EHD2: variants seen among roughly 807,000 people sequenced by gnomAD.
The protein encoded by EHD2 is EH domain containing 2.
A neutral mutation model predicts 41.0 loss-of-function variants in EHD2; 27 were observed. The observed-to-expected ratio is 0.66, with a 90% CI of 0.49 to 0.91. The LOEUF is 0.91. EHD2 is among the 40% of genes least tolerant of loss of function. EHD2 has a pLI of 0.00. For synonymous variants in EHD2, 342 were observed against 341.0 expected (o/e 1.00, Z -0.03); for missense variants, 673 against 773.9 (o/e 0.87, Z 1.55).
intron 5 of EHD2, among the ~76,000 whole-genome samples, chr19:47,736,800 G>A (rs1966927730): frequency 6.6e-6 from 1 of 152,176 alleles, no homozygotes; most frequent in African/African-American, 2.4e-5. Context: ...GGACTGGTTT[G>A]GTGCTTTACA....
At chr19:47,714,571 C>T (rs1445139509) in intron 1 of EHD2, among the ~76,000 whole-genome samples, 1 of 152,078 alleles carries the variant, frequency 6.6e-6, no homozygotes, top group Non-Finnish European at 1.5e-5. Flanking sequence ...GTGCTCATTG[C>T]TCCTGGGTTG....
Position 47,740,970 on chromosome 19 carries a change from C to T in EHD2, c.1170C>T (p.Ile390=), listed in dbSNP as rs771996532. The change falls in exon 6 of 6, where the codon ATC becomes ATT. Residue 390 remains isoleucine (I), a synonymous_variant. Transcript: ENST00000263277. ...TGGACGAGATGCTGACGCACGACATCGCCAAGCTCATGCCCCTGCTGCGGC... is the reference window on the plus strand; with the variant it reads ...TGGACGAGATGCTGACGCACGACATTGCCAAGCTCATGCCCCTGCTGCGGC... ...EALDEMLTHD[I]AKLMPLLRQE... 6.8e-6 allele frequency: 11 copies of T among 1,612,280 alleles called. No homozygotes were observed. The highest frequency in any genetic ancestry group is 1.3e-5 in the African/African-American group (1 of 74,934).
intron 1 of EHD2, 78 bp from the exon 2 acceptor site, chr19:47,716,480 C>A: frequency 2.0e-6 from 2 of 1,006,722 alleles, no homozygotes; most frequent in Non-Finnish European, 2.8e-6. Flanking sequence ...ATCCTGTCAC[C>A]CAGACAGTCT....
At chr19:47,733,336 A>G (rs1223626463) in intron 4 of EHD2, among the ~76,000 whole-genome samples, 1 of 151,022 alleles carries the variant, frequency 6.6e-6, no homozygotes, top group Non-Finnish European at 1.5e-5. Flanking sequence ...CCCCGGCTTC[A>G]GTGATCCTCC....
At position 47,725,868 on chromosome 19, in the gene EHD2, C is replaced by T. The variant is rs1973745187; in HGVS notation, c.559C>T (p.Leu187=). ...CGCGGAGCGCGTGGACCTCATCATC[C>T]TGCTCTTTGATGCGCACAAGCTGGA... ...WFAERVDLII[L]LFDAHKLEIS... The change falls in exon 4 of 6, where the codon CTG becomes TTG. Residue 187 remains leucine, a synonymous_variant. Transcript: ENST00000263277. The T allele has an allele frequency of 6.2e-7, 1 of 1,612,556 alleles. No individual in the cohort carries two copies.
In EHD2 at chr19:47,716,790, A is replaced by T. The variant is rs1461467440; in HGVS notation, c.178A>T (p.Met60Leu). Residue 60 changes from methionine to leucine, a missense_variant, in exon 2 of 6, where the codon ATG (methionine) becomes TTG (leucine). Met to Leu is a conservative substitution (Grantham distance 15, BLOSUM62 2). Transcript: ENST00000263277. ...GGACGCAGACTTCGACGGCAAGCCC[A>T]TGGTGCTGGTGGCCGGCCAGTACAG... The part of the protein sequence containing the change: ...LEDADFDGKP[M>L]VLVAGQYSTG... 2 of 1,611,898 alleles carry T rather than the reference A, an allele frequency of 1.2e-6. No homozygotes were observed. Among genetic ancestry groups the T allele is most frequent in the East Asian group, 2.2e-5 (1 of 44,834 alleles).
chr19:47,741,623 C>T lies in EHD2; in HGVS notation c.*191C>T, dbSNP rs949347184. 3.5e-5 allele frequency: 23 copies of T among 661,534 alleles called. No individual in the cohort carries two copies. The highest frequency in any genetic ancestry group is 1.4e-4 in the Admixed American group (5 of 34,798). 41.0% of individuals were successfully genotyped at this position (661,534 alleles called of 1,614,324 possible). On this transcript the variant is annotated 3_prime_UTR_variant, in exon 6 of 6. Transcript: ENST00000263277. The surrounding 1 kb of genome is among the most constrained non-coding windows in gnomAD (Gnocchi z 4.5). ...GGGGACCACGGGAGGGACAAGGCTT[C>T]TCTGTCCGCCCTTCACACCTCCAGC...
At chr19:47,725,396 C>CAA (rs10676405) in intron 3 of EHD2, among the ~76,000 whole-genome samples, 21,244 of 73,844 alleles carry the variant, frequency 0.29, 3,065 homozygotes, top group Middle Eastern at 0.34. Context: ...CATCTCTACT[C>CAA]AAAAAAAAAA....
chr19:47,727,036 A>G (rs1973760487), intron 4 of EHD2, among the ~76,000 whole-genome samples: 1 of 152,078 alleles, frequency 6.6e-6, no homozygotes. Flanking sequence ...TTATTTTTTG[A>G]TAATTTATAA....
rs190449288 is a variant in EHD2 at position 47,719,269 on chromosome 19, C to G, written c.502+663C>G. Among the ~76,000 whole-genome samples, 61 of 152,110 alleles carry G rather than the reference C, an allele frequency of 4.0e-4. No individual in the cohort carries two copies. Among genetic ancestry groups the G allele is most frequent in the African/African-American group, 1.3e-3 (56 of 41,488 alleles). ...CACAAGGCCTGGAGATGAGGCAGAGCCTGGGCAGGGGAGGCAGAGCCCGGG... is the reference window on the plus strand; with the variant it reads ...CACAAGGCCTGGAGATGAGGCAGAGGCTGGGCAGGGGAGGCAGAGCCCGGG... On this transcript the variant is annotated intron_variant, in intron 3 of 5. Transcript: ENST00000263277. This position sits in a 1 kb window ranked among gnomAD's most constrained non-coding sequence, Gnocchi z 4.1.
chr19:47,721,216 G>A (rs1973693323), intron 3 of EHD2, among the ~76,000 whole-genome samples: 1 of 151,450 alleles, frequency 6.6e-6, no homozygotes, highest in Admixed American at 6.6e-5. Flanking sequence ...CATGTGTGTG[G>A]CTGCCTCTGC....
At chr19:47,734,728 G>C (rs1395722902) in intron 4 of EHD2, among the ~76,000 whole-genome samples, 1 of 150,958 alleles carries the variant, frequency 6.6e-6, no homozygotes, top group Non-Finnish European at 1.5e-5. Context: ...CTGGGCAACA[G>C]AGTGAGACTC....
At chr19:47,723,326 A>T (rs1973716356) in intron 3 of EHD2, among the ~76,000 whole-genome samples, 1 of 152,134 alleles carries the variant, frequency 6.6e-6, no homozygotes, top group Non-Finnish European at 1.5e-5. Flanking sequence ...ACTGTTTTTA[A>T]AAAAACAGTT....
Position 47,741,716 on chromosome 19 carries a change from T to G in EHD2, c.*284T>G. 4.8e-6 allele frequency: 3 copies of G among 619,360 alleles called. No homozygotes were observed. Among genetic ancestry groups the G allele is most frequent in the South Asian group, 1.6e-5 (1 of 60,812 alleles). 38.4% of individuals were successfully genotyped at this position (619,360 alleles called of 1,614,324 possible). A position where few individuals can be genotyped will look rare whatever the true frequency, so the allele number is the denominator to read the frequency against. ...AGGCATCCATCCATCCGTCATTCAT[T>G]CAAATATTTATTGAGCACCTACTAT... On this transcript the variant is annotated 3_prime_UTR_variant, in exon 6 of 6. Transcript: ENST00000263277. The surrounding 1 kb of genome is among the most constrained non-coding windows in gnomAD (Gnocchi z 4.5).
chr19:47,714,458 C>G (rs8113418), intron 1 of EHD2, among the ~76,000 whole-genome samples: 3,073 of 152,214 alleles, frequency 0.02, 103 homozygotes, highest in African/African-American at 0.069. Context: ...AATACCCACA[C>G]CTGTGGCTGA....
At chr19:47,721,687 C>CA (rs1973698626) in intron 3 of EHD2, among the ~76,000 whole-genome samples, 1 of 151,656 alleles carries the variant, frequency 6.6e-6, no homozygotes, top group South Asian at 2.1e-4. Flanking sequence ...TTCTTACCTG[C>CA]AAAATGGGAA....
Position 47,716,984 on chromosome 19 carries a change from A to T in EHD2, c.372A>T (p.Lys124Asn). The T allele has an allele frequency of 6.2e-7, 1 of 1,602,646 alleles. No homozygotes were observed. Among genetic ancestry groups the T allele is most frequent in the Non-Finnish European group, 8.5e-7 (1 of 1,179,900 alleles). ...TGGACCCGGACAAGCCCTTCCGCAA[A>T]CTCAACCCTTTCGGAAACACCTTCC... ...LVVDPDKPFRKLNPFGNTFLN... is the reference protein window; with the variant it reads ...LVVDPDKPFRNLNPFGNTFLN... The change falls in exon 2 of 6, where the codon AAA becomes AAT. Residue 124 changes from lysine to asparagine, a missense_variant. Transcript: ENST00000263277.
chr19:47,730,745 T>C (rs568538173), intron 4 of EHD2, among the ~76,000 whole-genome samples: 1 of 152,158 alleles, frequency 6.6e-6, no homozygotes, highest in East Asian at 1.9e-4. Flanking sequence ...TATGATGCTG[T>C]GATACGTAAG....
At chr19:47,736,601 G>C (rs1966925948) in intron 5 of EHD2, 68 bp downstream of exon 5, 7 of 1,495,658 alleles carry the variant, frequency 4.7e-6, no homozygotes, top group African/African-American at 2.8e-5. Flanking sequence ...GAAGCTCTGA[G>C]ATGGGACCTC....
Sources: allele counts gnomAD v4.1 joint callset (sites outside exome capture counted in the v4.1 genomes callset), GRCh38; gene constraint gnomAD v4.1.1; non-coding constraint Gnocchi (gnomAD v3.1); transcripts MANE v1.5; gene names NCBI Gene and HGNC (gene_info 2026-07-23, HGNC 2026-07-21).